Variants in MACROD2 observed in about 807,000 individuals in gnomAD.
MACROD2 encodes the protein mono-ADP ribosylhydrolase 2.
Under a neutral mutation model 70.4 loss-of-function variants are expected in MACROD2, and 36 were observed. The ratio of observed to expected loss-of-function variants is 0.51; its 90% CI spans 0.39 to 0.68. MACROD2 has a LOEUF of 0.68. Among genes scored for constraint, MACROD2 ranks in the 30% least tolerant of loss-of-function variants. MACROD2 has a pLI of 0.00. For synonymous variants in MACROD2, 172 were observed against 178.8 expected, an observed-to-expected ratio of 0.96 and a Z score of 0.30; for missense variants, 496 against 538.4, an observed-to-expected ratio of 0.92 and a Z score of 0.78.
intron 5 of MACROD2, among the ~76,000 whole-genome samples, chr20:15,154,808 G>A (rs1190779726): frequency 6.6e-6 from 1 of 152,114 alleles, no homozygotes; most frequent in African/African-American, 2.4e-5. Context: ...TGAATTTTGG[G>A]GGAACACAAA....
chr20:15,024,282 A>G (rs1305606197), intron 5 of MACROD2, among the ~76,000 whole-genome samples: 1 of 152,108 alleles, frequency 6.6e-6, no homozygotes, highest in Non-Finnish European at 1.5e-5. Flanking sequence ...TGAGGTTACT[A>G]TTTTATAGTC....
intron 5 of MACROD2, among the ~76,000 whole-genome samples, chr20:14,964,894 G>A (rs1488657012): frequency 6.6e-6 from 1 of 152,114 alleles, no homozygotes; most frequent in East Asian, 1.9e-4. Flanking sequence ...AGGTATAGGC[G>A]GAATACATAC....
At position 15,376,976 on chromosome 20, in the gene MACROD2, C is replaced by T. The variant is rs192942781; in HGVS notation, c.541-54429C>T. On this transcript the variant is annotated intron_variant, in intron 6 of 17. Coordinates refer to ENST00000684519, the MANE Select transcript of MACROD2 (RefSeq NM_001351661.2). ...CGCAATCTTGGCTCACTGCAAGCTC[C>T]GCCTCCTGGGTTCACATCATTCTCC... Among the ~76,000 whole-genome samples, 1,378 of 152,140 alleles carry T rather than the reference C, an allele frequency of 9.1e-3. 26 individuals carry two copies. The highest frequency in any genetic ancestry group is 0.032 in the African/African-American group (1,325 of 41,512).
At chr20:14,352,213 TTGTTTTA>T in intron 3 of MACROD2, 1 of 152,312 alleles carries the variant, frequency 6.6e-6, no homozygotes, top group Admixed American at 6.5e-5. Context: ...TCTAACTTAT[TTGTTTTA>T]TGACTTTGCA....
At chr20:15,076,692 C>T (rs2075660637) in intron 5 of MACROD2, among the ~76,000 whole-genome samples, 1 of 152,116 alleles carries the variant, frequency 6.6e-6, no homozygotes, top group African/African-American at 2.4e-5. Flanking sequence ...GGCATTCTTA[C>T]ATTTAAAAAG....
chr20:15,507,574 A>T (rs1336910695), intron 8 of MACROD2, among the ~76,000 whole-genome samples: 4 of 143,786 alleles, frequency 2.8e-5, no homozygotes, highest in South Asian at 2.1e-4. Flanking sequence ...ATCCCTTATC[A>T]CTCTGAGTCT....
At chr20:15,988,694 CTTGCTT>C (rs1459296649) in intron 15 of MACROD2, among the ~76,000 whole-genome samples, 3 of 152,120 alleles carry the variant, frequency 2.0e-5, no homozygotes, top group Non-Finnish European at 4.4e-5. Context: ...AATTCTGCTA[CTTGCTT>C]TTAGCAACGA....
chr20:14,916,726 T>G (rs755104405), intron 5 of MACROD2, among the ~76,000 whole-genome samples: 12 of 152,148 alleles, frequency 7.9e-5, no homozygotes, highest in Non-Finnish European at 1.5e-4. Context: ...AACTTTTCTG[T>G]GCATTTGAAA....
intron 2 of MACROD2, among the ~76,000 whole-genome samples, chr20:14,069,410 G>C (rs1250503701): frequency 1.3e-5 from 2 of 151,856 alleles, no homozygotes; most frequent in Non-Finnish European, 2.9e-5. Context: ...CCTTTGGACA[G>C]GGCATTCTTT....
At chr20:15,061,088 C>T (rs1411365393) in intron 5 of MACROD2, among the ~76,000 whole-genome samples, 2 of 152,154 alleles carry the variant, frequency 1.3e-5, no homozygotes, top group African/African-American at 4.8e-5. Context: ...GATTTTACAG[C>T]ATGTATTTTA....
At chr20:14,218,436 A>G (rs2081642027) in intron 3 of MACROD2, among the ~76,000 whole-genome samples, 1 of 152,122 alleles carries the variant, frequency 6.6e-6, no homozygotes, top group Admixed American at 6.6e-5. Context: ...GGAAGCAGAT[A>G]GTTGGTTGGT....
intron 7 of MACROD2, among the ~76,000 whole-genome samples, chr20:15,496,119 C>T (rs1337547981): frequency 6.6e-6 from 1 of 152,186 alleles, no homozygotes; most frequent in African/African-American, 2.4e-5. Flanking sequence ...TTGCCACTAA[C>T]TTGGGGAGTG....
chr20:14,065,857 G>C (rs2053749000), intron 2 of MACROD2, among the ~76,000 whole-genome samples: 1 of 152,186 alleles, frequency 6.6e-6, no homozygotes, highest in Non-Finnish European at 1.5e-5. Flanking sequence ...AAACAGAGAT[G>C]CTCTTTTAAA....
chr20:15,798,124 T>C (rs2063691608), intron 8 of MACROD2, among the ~76,000 whole-genome samples: 1 of 152,220 alleles, frequency 6.6e-6, no homozygotes, highest in Admixed American at 6.5e-5. Flanking sequence ...ATGATAGAAA[T>C]TAATACTGCA....
chr20:15,102,868 G>A (rs948947664), intron 5 of MACROD2, among the ~76,000 whole-genome samples: 1 of 151,922 alleles, frequency 6.6e-6, no homozygotes, highest in Admixed American at 6.6e-5. Flanking sequence ...TAGATGATCT[G>A]GAGTCCCATG....
chr20:15,374,352 G>A (rs951689703), intron 6 of MACROD2, among the ~76,000 whole-genome samples: 9 of 151,132 alleles, frequency 6.0e-5, no homozygotes, highest in Non-Finnish European at 2.9e-5. Flanking sequence ...ATATGATTAC[G>A]TATATCACTG....
chr20:14,415,359 T>G (rs1004257706), intron 3 of MACROD2, among the ~76,000 whole-genome samples: 3 of 152,190 alleles, frequency 2.0e-5, no homozygotes, highest in African/African-American at 7.2e-5. Context: ...ACATAACTTC[T>G]AATTTCTCCT....
At chr20:14,508,508 AAC>A (rs1239085204) in intron 4 of MACROD2, among the ~76,000 whole-genome samples, 1 of 152,100 alleles carries the variant, frequency 6.6e-6, no homozygotes, top group Non-Finnish European at 1.5e-5. Context: ...GCCAACAATA[AAC>A]CCAAGGGAGG....
chr20:14,049,918 T>A (rs1226280148), intron 2 of MACROD2, among the ~76,000 whole-genome samples: 2 of 150,430 alleles, frequency 1.3e-5, no homozygotes, highest in Non-Finnish European at 3.0e-5. Context: ...ACTCTGTCTC[T>A]ACTAAAAATA....
Sources: allele counts gnomAD v4.1 joint callset (sites outside exome capture counted in the v4.1 genomes callset), GRCh38; gene constraint gnomAD v4.1.1; transcripts MANE v1.5; gene names NCBI Gene and HGNC (gene_info 2026-07-23, HGNC 2026-07-21).